Variants in KPNA7 observed in about 807,000 individuals in gnomAD.
KPNA7 encodes karyopherin subunit alpha 7, also known as importin subunit alpha-8.
Under a neutral mutation model 53.7 loss-of-function variants are expected in KPNA7, and 54 were observed. The observed-to-expected ratio is 1.01, with a 90% CI of 0.81 to 1.26. KPNA7 has a LOEUF of 1.26. KPNA7 is among the 50% of genes most tolerant of loss of function. The pLI, the probability that KPNA7 is intolerant of heterozygous loss-of-function variation, is 0.00. For synonymous variants in KPNA7, 276 were observed against 259.3 expected (o/e 1.06, Z -0.62); for missense variants, 640 against 644.5 (o/e 0.99, Z 0.07).
At chr7:99,215,200 C>T (rs866632767) in intron 1 of KPNA7, among the ~76,000 whole-genome samples, 6 of 151,556 alleles carry the variant, frequency 4.0e-5, no homozygotes, top group Non-Finnish European at 7.4e-5. Context: ...GGTGAAACCC[C>T]GTCTCTACTA....
chr7:99,146,004 A>T, the KPNA7 span, among the ~76,000 whole-genome samples: 4 of 152,200 alleles, frequency 2.6e-5, no homozygotes, highest in African/African-American at 9.7e-5. Flanking sequence ...CCATTTGTAG[A>T]TGATTGTCAC....
At position 99,188,503 on chromosome 7, in the gene KPNA7, A is replaced by G. The variant is rs757975479; in HGVS notation, c.697T>C (p.Tyr233His). Residue 233 changes from tyrosine (Y) to histidine (H), a missense_variant, in exon 7 of 11, where the codon TAC (tyrosine) becomes CAC (histidine). Tyr to His is a moderately conservative substitution (Grantham distance 83). Coordinates refer to ENST00000327442, the MANE Select transcript of KPNA7 (RefSeq NM_001145715.3). ...LSNLCRNKNP[Y>H]PCDTAVKQIL... ...TGCTTCACCGCAGTGTCGCAAGGGT[A>G]TGGGTTCTTGTTTCGGCACAGATTC... 10 of 1,551,648 alleles carry G rather than the reference A, an allele frequency of 6.4e-6. No individual in the cohort carries two copies. Among genetic ancestry groups the G allele is most frequent in the South Asian group, 4.8e-5 (4 of 84,062 alleles).
intron 1 of KPNA7, among the ~76,000 whole-genome samples, chr7:99,215,241 G>A (rs904983178): frequency 6.6e-6 from 1 of 151,672 alleles, no homozygotes. Flanking sequence ...GCGTGGTGGT[G>A]GGCGCCTGTA....
chr7:99,176,636 A>C (rs1798918945), intron 10 of KPNA7, among the ~76,000 whole-genome samples: 1 of 152,162 alleles, frequency 6.6e-6, no homozygotes, highest in African/African-American at 2.4e-5. Context: ...GCACTTTGGG[A>C]GGCCGAGACG....
intron 9 of KPNA7, among the ~76,000 whole-genome samples, chr7:99,180,803 CTCT>C (rs1799171984): frequency 2.5e-5 from 2 of 79,124 alleles, no homozygotes; most frequent in Non-Finnish European, 3.3e-5. Flanking sequence ...GTCTCTCTCT[CTCT>C]CCCCGTCTGT....
At chr7:99,178,184 G>T in intron 9 of KPNA7, 118 bp from the exon 10 acceptor site, 1 of 837,050 alleles carries the variant, frequency 1.2e-6, no homozygotes, top group Non-Finnish European at 1.8e-6. Flanking sequence ...TACCATTCCA[G>T]AATGGATAGT....
chr7:99,167,692 G>A, the KPNA7 span, among the ~76,000 whole-genome samples: 1 of 126,698 alleles, frequency 7.9e-6, no homozygotes, highest in Non-Finnish European at 1.5e-5. Context: ...TGTTGGCCAG[G>A]CTGGTCTCGA....
Position 99,186,770 on chromosome 7 carries a change from GCTTGT to G in KPNA7, c.900+1525_900+1529del, listed in dbSNP as rs1354240434. Among the ~76,000 whole-genome samples the G allele has an allele frequency of 2.0e-5, 3 of 151,896 alleles. No individual in the cohort carries two copies. The East Asian group carries it at 5.8e-4, about 29-fold the overall frequency. ...AACAACAACAACAACAACAAAAATG[GCTTGT>G]CTTATCTCATACTCTCCATGCCCCT... On this transcript the variant is annotated intron_variant, in intron 7 of 10. Coordinates refer to ENST00000327442, the MANE Select transcript of KPNA7 (RefSeq NM_001145715.3).
intron 10 of KPNA7, among the ~76,000 whole-genome samples, chr7:99,175,565 G>C (rs551000092): frequency 6.6e-6 from 1 of 151,552 alleles, no homozygotes; most frequent in South Asian, 2.1e-4. Context: ...GCCCAGGCTG[G>C]AATACAGTGG....
upstream of KPNA7, among the ~76,000 whole-genome samples, chr7:99,209,871 G>A (rs1267543385): frequency 6.6e-6 from 1 of 151,524 alleles, no homozygotes; most frequent in Non-Finnish European, 1.5e-5. Context: ...AGCTGGGCAT[G>A]GTGGCACATA....
chr7:99,211,349 G>A (rs1385773460), upstream of KPNA7, among the ~76,000 whole-genome samples: 1 of 152,224 alleles, frequency 6.6e-6, no homozygotes, highest in Non-Finnish European at 1.5e-5. Context: ...TTGAATCTGG[G>A]AGGCAGAGGT....
chr7:99,205,223 A>C (rs961144225), intron 2 of KPNA7, among the ~76,000 whole-genome samples: 6 of 151,166 alleles, frequency 4.0e-5, no homozygotes, highest in African/African-American at 1.5e-4. Flanking sequence ...GAAGATCGAG[A>C]CCATCCTGGC....
At chr7:99,161,361 C>T in the KPNA7 span, among the ~76,000 whole-genome samples, 1,743 of 152,068 alleles carry the variant, frequency 0.011, 36 homozygotes, top group African/African-American at 0.04. Flanking sequence ...CTGAAATATC[C>T]AGCCATCAGC....
rs533680824 is a variant in KPNA7 at position 99,215,369 on chromosome 7, C to CAAAAAAAAAAAAAAAAAAAA, written c.-23-7900_-23-7881dup. 3.8e-5 allele frequency among the ~76,000 whole-genome samples: 2 copies of CAAAAAAAAAAAAAAAAAAAA among 52,056 alleles called. 1 individual carries two copies. Among genetic ancestry groups the CAAAAAAAAAAAAAAAAAAAA allele is most frequent in the Non-Finnish European group, 6.6e-5 (2 of 30,104 alleles). 34.2% of individuals were successfully genotyped at this position (52,056 alleles called of 152,430 possible). A position where few individuals can be genotyped will look rare whatever the true frequency, so the allele number is the denominator to read the frequency against. On this transcript the variant is annotated intron_variant, in intron 1 of 10. Transcript: ENST00000681060. ...CCTGGGCAACAGAGCGAGACTGTCT[C>CAAAAAAAAAAAAAAAAAAAA]AAAAAAAAAAAAAAAAAAAAAAAAA... is the stretch of plus-strand genomic sequence containing the variant.
At chr7:99,187,351 T>C (rs968458542) in intron 7 of KPNA7, among the ~76,000 whole-genome samples, 1 of 152,034 alleles carries the variant, frequency 6.6e-6, no homozygotes, top group Non-Finnish European at 1.5e-5. Context: ...TTTCTGCCTA[T>C]ATCTGAGCTA....
the KPNA7 span, among the ~76,000 whole-genome samples, chr7:99,146,420 T>C: frequency 4.5e-4 from 68 of 152,094 alleles, 1 homozygote; most frequent in Non-Finnish European, 8.4e-4. Context: ...ATGTCAAAAA[T>C]GCATTTGCGG....
At chr7:99,189,162 G>C (rs140292310) in intron 6 of KPNA7, among the ~76,000 whole-genome samples, 41 of 152,260 alleles carry the variant, frequency 2.7e-4, no homozygotes, top group African/African-American at 9.9e-4. Context: ...ACAAGATCAA[G>C]CAGGAGTTAC....
chr7:99,198,216 C>T (rs1790326002), intron 3 of KPNA7, among the ~76,000 whole-genome samples: 1 of 151,808 alleles, frequency 6.6e-6, no homozygotes, highest in Non-Finnish European at 1.5e-5. Flanking sequence ...GAGTAAAACT[C>T]CATCTCAAAA....
rs749590420 is a variant in KPNA7, at chr7:99,180,795, CTCTCTCTCTCTCCCCGTCTGTG to C, written c.1317+1066_1317+1087del. Among the ~76,000 whole-genome samples the C allele has an allele frequency of 1.3e-4, 10 of 75,898 alleles. 3 individuals carry two copies. The highest frequency in any genetic ancestry group is 1.1e-3 in the South Asian group (2 of 1,748). The allele number at this position is 75,898 out of a possible 152,430, so 49.8% of individuals were successfully genotyped here. On this transcript the variant is annotated intron_variant, in intron 9 of 10. Transcript: ENST00000327442. ...TCTCTCTCTCTCTCCCCGTCTGTGTCTCTCTCTCTCTCCCCGTCTGTGTCTCTCTCTCTCCCCGTCTGTCTCT... is the reference window on the plus strand; with the variant it reads ...TCTCTCTCTCTCTCCCCGTCTGTGTCTCTCTCTCTCTCCCCGTCTGTCTCT...
Sources: allele counts gnomAD v4.1 joint callset (sites outside exome capture counted in the v4.1 genomes callset), GRCh38; gene constraint gnomAD v4.1.1; transcripts MANE v1.5; gene names NCBI Gene and HGNC (gene_info 2026-07-23, HGNC 2026-07-21).